Variants in LRRIQ1 observed in about 807,000 individuals in gnomAD.
The protein encoded by LRRIQ1 is leucine rich repeats and IQ motif containing 1.
Under a neutral mutation model 211.9 loss-of-function variants are expected in LRRIQ1, and 210 were observed. That is an observed-to-expected ratio of 0.99 (90% CI 0.89 to 1.11). The LOEUF is 1.11. Among genes scored for constraint, LRRIQ1 ranks in the 50% most tolerant of loss-of-function variants. LRRIQ1 has a pLI of 0.00. For synonymous variants in LRRIQ1, 699 were observed against 650.1 expected (o/e 1.08, Z -1.14); for missense variants, 2,136 against 1,939.5 (o/e 1.10, Z -1.90).
chr12:85,234,069 C>A (rs905432442), intron 26 of LRRIQ1, among the ~76,000 whole-genome samples: 1 of 144,960 alleles, frequency 6.9e-6, no homozygotes, highest in East Asian at 1.9e-4. Flanking sequence ...CATCTCTACC[C>A]CCAAAAATAC....
At chr12:85,269,521 A>G in the LRRIQ1 span, among the ~76,000 whole-genome samples, 1 of 152,042 alleles carries the variant, frequency 6.6e-6, no homozygotes, top group Non-Finnish European at 1.5e-5. Context: ...TTCTGTTGAT[A>G]GTTGATTTTA....
intron 24 of LRRIQ1, among the ~76,000 whole-genome samples, chr12:85,169,045 C>T (rs1009274705): frequency 6.6e-6 from 1 of 152,102 alleles, no homozygotes; most frequent in Non-Finnish European, 1.5e-5. Context: ...ATATAATAGC[C>T]TCCTTAGTGT....
chr12:85,100,934 A>G (rs1455426763), intron 13 of LRRIQ1, among the ~76,000 whole-genome samples: 2 of 151,774 alleles, frequency 1.3e-5, no homozygotes, highest in African/African-American at 4.8e-5. Context: ...TTTTTAAAAA[A>G]CCATATTAGG....
At chr12:85,049,494 C>T (rs1880041567) in intron 6 of LRRIQ1, among the ~76,000 whole-genome samples, 1 of 152,096 alleles carries the variant, frequency 6.6e-6, no homozygotes, top group African/African-American at 2.4e-5. Context: ...TCAACCTACA[C>T]CTGCTTTTTC....
At chr12:85,142,947 G>A (rs1889645249) in intron 19 of LRRIQ1, among the ~76,000 whole-genome samples, 1 of 151,498 alleles carries the variant, frequency 6.6e-6, no homozygotes, top group African/African-American at 2.4e-5. Context: ...TCAACATACT[G>A]ATTTTATTGC....
chr12:85,107,380 C>T (rs1886857688), intron 15 of LRRIQ1, among the ~76,000 whole-genome samples: 1 of 152,062 alleles, frequency 6.6e-6, no homozygotes, highest in African/African-American at 2.4e-5. Context: ...AACATCTCTC[C>T]ACTCTTTTAT....
chr12:85,157,123 G>A (rs1890596388), intron 23 of LRRIQ1, among the ~76,000 whole-genome samples: 1 of 151,872 alleles, frequency 6.6e-6, no homozygotes, highest in South Asian at 2.1e-4. Flanking sequence ...TAAGAAAGTA[G>A]AATGTAATGG....
chr12:85,156,016 A>G (rs1435931716), intron 23 of LRRIQ1, among the ~76,000 whole-genome samples: 1 of 151,684 alleles, frequency 6.6e-6, no homozygotes, highest in African/African-American at 2.4e-5. Flanking sequence ...AATGAAAGAA[A>G]GTAACCAGAC....
At chr12:85,071,590 A>G (rs1883087658) in intron 10 of LRRIQ1, among the ~76,000 whole-genome samples, 1 of 152,046 alleles carries the variant, frequency 6.6e-6, no homozygotes. Context: ...AGATAGTGTC[A>G]GACTCCCTTT....
At chr12:85,088,711 G>A (rs1013315174) in intron 11 of LRRIQ1, among the ~76,000 whole-genome samples, 2 of 152,188 alleles carry the variant, frequency 1.3e-5, no homozygotes, top group African/African-American at 2.4e-5. Flanking sequence ...TGAAGCAGTT[G>A]TGAATGGAGT....
chr12:85,229,596 G>T lies in LRRIQ1; in HGVS notation c.4902G>T (p.Trp1634Cys), dbSNP rs745325484. The change falls in exon 25 of 27, where the codon TGG becomes TGT. Residue 1634 changes from tryptophan (W) to cysteine (C), a missense_variant. Trp to Cys is a radical substitution (Grantham distance 215). Transcript: ENST00000393217. ...LERNREYTYQ[W>C]LHTQVGVHET... ...GGAATAGAGAATATACATACCAATG[G>T]CTTCACACACAGGTTGGGGTTCATG... 1.2e-6 allele frequency: 2 copies of T among 1,612,692 alleles called. No individual in the cohort carries two copies. The highest frequency in any genetic ancestry group is 2.7e-5 in the African/African-American group (2 of 74,808).
chr12:85,117,154 T>A (rs1237179962), intron 15 of LRRIQ1, among the ~76,000 whole-genome samples: 1 of 152,190 alleles, frequency 6.6e-6, no homozygotes, highest in African/African-American at 2.4e-5. Context: ...AATTTCTTTC[T>A]TGAGGGATAT....
chr12:85,217,564 ATATG>A (rs1197008251), intron 24 of LRRIQ1, among the ~76,000 whole-genome samples: 1 of 98,176 alleles, frequency 1.0e-5, no homozygotes, highest in Non-Finnish European at 1.8e-5. Flanking sequence ...ATAGGTATAT[ATATG>A]TGTGTATACA....
intron 9 of LRRIQ1, among the ~76,000 whole-genome samples, chr12:85,066,023 T>C (rs1437608092): frequency 6.6e-6 from 1 of 151,886 alleles, no homozygotes; most frequent in Non-Finnish European, 1.5e-5. Flanking sequence ...TTACATCATG[T>C]TGGCTAATGT....
chr12:85,047,527 A>AT (rs758613358), intron 6 of LRRIQ1, 57 bp downstream of exon 6: 1 of 1,406,554 alleles, frequency 7.1e-7, no homozygotes, highest in Non-Finnish European at 1.0e-6. Flanking sequence ...TCTGAAGAAT[A>AT]TTGATATTTG....
intron 23 of LRRIQ1, chr12:85,159,462 G>A (rs2136716595): frequency 6.6e-6 from 1 of 151,982 alleles, no homozygotes; most frequent in South Asian, 2.1e-4. Flanking sequence ...TTACACAAAT[G>A]ATCTCATTAA....
At chr12:85,108,691 C>A (rs1886953620) in intron 15 of LRRIQ1, among the ~76,000 whole-genome samples, 1 of 152,070 alleles carries the variant, frequency 6.6e-6, no homozygotes, top group African/African-American at 2.4e-5. Flanking sequence ...ATGCTCAGAA[C>A]ATTCACTTTT....
intron 19 of LRRIQ1, among the ~76,000 whole-genome samples, chr12:85,138,889 T>C (rs1889330850): frequency 6.6e-6 from 1 of 151,562 alleles, no homozygotes; most frequent in South Asian, 2.1e-4. Context: ...AAGTTTATAC[T>C]CTGATCATTG....
At chr12:85,038,079 T>A in intron 1 of LRRIQ1, 74 bp from the exon 2 acceptor site, 1 of 980,088 alleles carries the variant, frequency 1.0e-6, no homozygotes, top group Non-Finnish European at 1.4e-6. Flanking sequence ...TAAATAAATA[T>A]GTTGGATTGG....
Sources: allele counts gnomAD v4.1 joint callset (sites outside exome capture counted in the v4.1 genomes callset), GRCh38; gene constraint gnomAD v4.1.1; transcripts MANE v1.5; gene names NCBI Gene and HGNC (gene_info 2026-07-23, HGNC 2026-07-21).